Variants in PTPRD observed in about 807,000 individuals in gnomAD.
PTPRD encodes the protein receptor-type tyrosine-protein phosphatase delta.
A neutral mutation model predicts 214.5 loss-of-function variants in PTPRD; 34 were observed. The observed-to-expected ratio is 0.16, with a 90% CI of 0.12 to 0.21. The LOEUF is 0.21. Among genes scored for constraint, PTPRD ranks in the 10% least tolerant of loss-of-function variants. PTPRD has a pLI of 1.00. For synonymous variants in PTPRD, 1,128 were observed against 845.7 expected (o/e 1.33, Z -5.79); for missense variants, 2,545 against 2,398.7 (o/e 1.06, Z -1.27).
chr9:8,881,902 G>C (rs184213519), intron 11 of PTPRD, among the ~76,000 whole-genome samples: 3 of 152,080 alleles, frequency 2.0e-5, no homozygotes, highest in Admixed American at 6.5e-5. Context: ...CTTCTTACTC[G>C]GAGGAAAGAA....
At chr9:8,511,138 G>A (rs10114927) in intron 21 of PTPRD, among the ~76,000 whole-genome samples, 6,154 of 152,104 alleles carry the variant, frequency 0.04, 410 homozygotes, top group African/African-American at 0.14. Flanking sequence ...GCACAATCAT[G>A]GTTCACTACA....
chr9:10,093,709 T>C (rs1413946163), intron 3 of PTPRD, among the ~76,000 whole-genome samples: 1 of 151,408 alleles, frequency 6.6e-6, no homozygotes, highest in Non-Finnish European at 1.5e-5. Context: ...CCATCTATGG[T>C]GGATCGGATA....
intron 3 of PTPRD, among the ~76,000 whole-genome samples, chr9:10,090,763 A>C (rs921387397): frequency 1.9e-4 from 28 of 147,758 alleles, no homozygotes; most frequent in African/African-American, 6.8e-4. Context: ...CAGAAATAGA[A>C]TAGCATATTA....
At position 9,266,105 on chromosome 9, in the gene PTPRD, A is replaced by G. The variant is rs919415030; in HGVS notation, c.-202-82742T>C. 4.1e-4 allele frequency among the ~76,000 whole-genome samples: 62 copies of G among 151,670 alleles called. 1 individual carries two copies. Among genetic ancestry groups the G allele is most frequent in the African/African-American group, 1.3e-3 (56 of 41,494 alleles). On this transcript the variant is annotated intron_variant, in intron 9 of 45. Coordinates refer to ENST00000381196, the MANE Select transcript of PTPRD (RefSeq NM_002839.4). ...GGTAACTATAAGTAAATGAGACAAAATAGACTTTAAGTCAAAAATTGTAAA... is the reference window on the plus strand; with the variant it reads ...GGTAACTATAAGTAAATGAGACAAAGTAGACTTTAAGTCAAAAATTGTAAA...
At chr9:9,265,531 T>C (rs1938994339) in intron 9 of PTPRD, among the ~76,000 whole-genome samples, 1 of 151,512 alleles carries the variant, frequency 6.6e-6, no homozygotes, top group Non-Finnish European at 1.5e-5. Flanking sequence ...AGCACTAGTA[T>C]TAAACACATA....
At chr9:9,615,477 G>T (rs775277162) in intron 7 of PTPRD, among the ~76,000 whole-genome samples, 4 of 152,134 alleles carry the variant, frequency 2.6e-5, no homozygotes, top group African/African-American at 9.7e-5. Flanking sequence ...TTCCCTATTT[G>T]TCCTTCCTTG....
At chr9:10,189,980 A>G (rs953317302) in intron 3 of PTPRD, among the ~76,000 whole-genome samples, 1 of 152,108 alleles carries the variant, frequency 6.6e-6, no homozygotes, top group African/African-American at 2.4e-5. Context: ...TGGAGGTAAG[A>G]GATAAAAAGA....
At chr9:9,867,308 G>A (rs1235696646) in intron 5 of PTPRD, among the ~76,000 whole-genome samples, 1 of 152,040 alleles carries the variant, frequency 6.6e-6, no homozygotes, top group Non-Finnish European at 1.5e-5. Context: ...TATGAATAAT[G>A]AAATCATTAT....
At chr9:8,778,288 T>A (rs2095561029) in intron 11 of PTPRD, among the ~76,000 whole-genome samples, 1 of 152,208 alleles carries the variant, frequency 6.6e-6, no homozygotes, top group South Asian at 2.1e-4. Flanking sequence ...TTCTTAAAAC[T>A]TGAGATAATT....
intron 11 of PTPRD, among the ~76,000 whole-genome samples, chr9:8,843,489 G>A (rs1169525291): frequency 6.6e-6 from 1 of 152,130 alleles, no homozygotes; most frequent in African/African-American, 2.4e-5. Flanking sequence ...ACAACTTAGT[G>A]CAACACGGGA....
chr9:9,067,735 C>T lies in PTPRD; in HGVS notation c.-142-49000G>A, dbSNP rs113826637. ...TTTATCCAGTTTCTCTCAGTGGTAA[C>T]ATCTTACAAACCTGTAACACAATCT... On this transcript the variant is annotated intron_variant, in intron 10 of 45. Coordinates refer to ENST00000381196, the MANE Select transcript of PTPRD (RefSeq NM_002839.4). Among the ~76,000 whole-genome samples, 171 of 152,258 alleles carry T rather than the reference C, an allele frequency of 1.1e-3. 2 individuals are homozygous for T. Among genetic ancestry groups the T allele is most frequent in the African/African-American group, 3.9e-3 (163 of 41,538 alleles).
chr9:10,428,536 T>C (rs1166998476), intron 2 of PTPRD, among the ~76,000 whole-genome samples: 1 of 152,056 alleles, frequency 6.6e-6, no homozygotes, highest in Non-Finnish European at 1.5e-5. Context: ...AGGGAGAATA[T>C]GAGAGTAAGA....
At chr9:9,318,494 T>C (rs181097691) in intron 9 of PTPRD, among the ~76,000 whole-genome samples, 9 of 152,246 alleles carry the variant, frequency 5.9e-5, no homozygotes, top group Admixed American at 5.2e-4. Flanking sequence ...AAGCTCCAGT[T>C]TGTGCAAAGA....
intron 3 of PTPRD, among the ~76,000 whole-genome samples, chr9:10,070,042 G>C (rs73641842): frequency 2.0e-5 from 3 of 152,078 alleles, no homozygotes; most frequent in Non-Finnish European, 4.4e-5. Context: ...CAAATTTTTG[G>C]TGTGAAGCAG....
chr9:8,973,868 A>G (rs971467868), intron 11 of PTPRD, among the ~76,000 whole-genome samples: 4 of 151,932 alleles, frequency 2.6e-5, no homozygotes, highest in African/African-American at 9.7e-5. Flanking sequence ...GTCTTCTTTT[A>G]AGAAATACTT....
At chr9:8,985,135 A>G (rs1029120874) in intron 11 of PTPRD, among the ~76,000 whole-genome samples, 11 of 152,118 alleles carry the variant, frequency 7.2e-5, no homozygotes, top group Admixed American at 7.2e-4. Context: ...AAATATGAGC[A>G]TATTTACTTT....
At chr9:9,677,471 A>T (rs2096958579) in intron 7 of PTPRD, among the ~76,000 whole-genome samples, 1 of 152,162 alleles carries the variant, frequency 6.6e-6, no homozygotes, top group South Asian at 2.1e-4. Context: ...CAAAAGCCTT[A>T]TGATTATCTC....
intron 11 of PTPRD, among the ~76,000 whole-genome samples, chr9:8,867,763 T>A (rs529927524): frequency 1.3e-5 from 2 of 152,326 alleles, no homozygotes; most frequent in East Asian, 3.9e-4. Flanking sequence ...TACTTGTTTT[T>A]CTCTTTTTCT....
chr9:10,392,154 ATCTGGCCACAG>A (rs779139170), intron 2 of PTPRD, among the ~76,000 whole-genome samples: 33 of 152,052 alleles, frequency 2.2e-4, no homozygotes, highest in Admixed American at 4.6e-4. Flanking sequence ...CCAGAACTAC[ATCTGGCCACAG>A]CTGTATCCTA....
Sources: gnomAD v4.1 joint callset for allele counts (sites outside exome capture counted in the v4.1 genomes callset) on GRCh38, gnomAD v4.1.1 for gene constraint, MANE v1.5 for transcripts, NCBI Gene and HGNC (gene_info 2026-07-23, HGNC 2026-07-21) for gene names.